Variants in RSU1 observed in about 807,000 individuals in gnomAD.
The protein encoded by RSU1 is Ras suppressor protein 1, also known as rsu-1.
In RSU1, 26 loss-of-function variants were observed where a neutral mutation model predicts 31.1. That is an observed-to-expected ratio of 0.84 (90% CI 0.61 to 1.16). RSU1 has a LOEUF of 1.16. Among genes scored for constraint, RSU1 ranks in the 50% most tolerant of loss-of-function variants. The pLI is 0.00. For missense variants in RSU1, 320 were observed against 339.1 expected, an observed-to-expected ratio of 0.94 and a Z score of 0.44; for synonymous variants, 164 against 136.3, an observed-to-expected ratio of 1.20 and a Z score of -1.41.
chr10:16,767,779 T>C (rs1564350464), intron 3 of RSU1, among the ~76,000 whole-genome samples: 2 of 152,172 alleles, frequency 1.3e-5, no homozygotes, highest in Non-Finnish European at 2.9e-5. Flanking sequence ...GAGAGGCATG[T>C]TATTTAAAGA....
chr10:16,780,657 A>C (rs919012529), intron 3 of RSU1, among the ~76,000 whole-genome samples: 1 of 152,230 alleles, frequency 6.6e-6, no homozygotes, highest in Non-Finnish European at 1.5e-5. Context: ...ACACAACAGA[A>C]CATGTCAGTT....
At chr10:16,614,641 A>G (rs941806299) in intron 8 of RSU1, among the ~76,000 whole-genome samples, 2 of 152,224 alleles carry the variant, frequency 1.3e-5, no homozygotes, top group Non-Finnish European at 2.9e-5. Flanking sequence ...CCTACTGTGT[A>G]CCCACAAAAA....
intron 8 of RSU1, among the ~76,000 whole-genome samples, chr10:16,684,882 G>T (rs1419179472): frequency 6.6e-6 from 1 of 152,142 alleles, no homozygotes; most frequent in African/African-American, 2.4e-5. Flanking sequence ...TTTCCAAATA[G>T]ACACTACCTA....
intron 8 of RSU1, among the ~76,000 whole-genome samples, chr10:16,651,347 CA>C (rs1417243346): frequency 3.3e-5 from 5 of 152,192 alleles, no homozygotes; most frequent in African/African-American, 1.2e-4. Context: ...AAGGAAGTGT[CA>C]GTTCAAATGT....
rs548543202 is a variant in RSU1 at position 16,731,805 on chromosome 10, T to G, written c.598+20734A>C. ...TCTTCTCTTGTGAAATATCTGTTCTTGCTCATTTTTTTTTTTCTACTGAGG... is the reference window on the plus strand; with the variant it reads ...TCTTCTCTTGTGAAATATCTGTTCTGGCTCATTTTTTTTTTTCTACTGAGG... On this transcript the variant is annotated intron_variant, in intron 7 of 8. Transcript: ENST00000345264. Among the ~76,000 whole-genome samples, 6 of 152,322 alleles carry G rather than the reference T, an allele frequency of 3.9e-5. 1 individual carries two copies. In the South Asian group the frequency reaches 1.2e-3, roughly 32 times the overall value.
In RSU1 at chr10:16,687,890, T is replaced by C. The variant is rs112712919; in HGVS notation, c.731+7133A>G. On this transcript the variant is annotated intron_variant, in intron 8 of 8. Coordinates refer to ENST00000345264, the MANE Select transcript of RSU1 (RefSeq NM_012425.4). ...ATGTGCCACCATGCCCGGCTAATTT[T>C]TTTTCATTTTCTGTACAGACGAAGT... Among the ~76,000 whole-genome samples the C allele has an allele frequency of 9.2e-3, 1,406 of 152,124 alleles. 18 individuals carry two copies. Among genetic ancestry groups the C allele is most frequent in the African/African-American group, 0.031 (1,277 of 41,504 alleles).
chr10:16,616,692 G>A (rs995396961), intron 8 of RSU1, among the ~76,000 whole-genome samples: 1 of 152,148 alleles, frequency 6.6e-6, no homozygotes, highest in Non-Finnish European at 1.5e-5. Context: ...TTCACCCCTG[G>A]GATGCAAGGC....
chr10:16,638,751 C>T (rs139090501), intron 8 of RSU1, among the ~76,000 whole-genome samples: 1 of 152,262 alleles, frequency 6.6e-6, no homozygotes, highest in Non-Finnish European at 1.5e-5. Flanking sequence ...GGAGGCCTGG[C>T]GGGAATGGTG....
chr10:16,593,850 T>A (rs1343739292), intron 8 of RSU1, among the ~76,000 whole-genome samples: 1 of 152,190 alleles, frequency 6.6e-6, no homozygotes, highest in Non-Finnish European at 1.5e-5. Context: ...AGTGTCCATT[T>A]AGTGAAAAGC....
intron 8 of RSU1, among the ~76,000 whole-genome samples, chr10:16,654,826 A>G (rs1588697073): frequency 2.0e-5 from 3 of 152,042 alleles, no homozygotes; most frequent in African/African-American, 4.8e-5. Context: ...CTGGAAGCCA[A>G]GGTGGGAGGA....
chr10:16,730,463 C>T (rs116810535), intron 7 of RSU1, among the ~76,000 whole-genome samples: 23 of 152,144 alleles, frequency 1.5e-4, no homozygotes, highest in Admixed American at 1.3e-3. Flanking sequence ...TCTTGGACAA[C>T]GGTCTGCCAA....
At chr10:16,715,773 T>C (rs1564329427) in intron 7 of RSU1, among the ~76,000 whole-genome samples, 4 of 152,236 alleles carry the variant, frequency 2.6e-5, no homozygotes, top group Non-Finnish European at 5.9e-5. Context: ...AAGGTTGTTT[T>C]GACTACTTGA....
At position 16,817,102 on chromosome 10, in the gene RSU1, A is replaced by T; in HGVS notation, c.-3-18T>A. On this transcript the variant is annotated intron_variant, in intron 1 of 8. Coordinates refer to ENST00000345264, the MANE Select transcript of RSU1 (RefSeq NM_012425.4). Reference sequence around the variant, plus strand: ...GACATGGTCTGCACCGAACAACAACAAAGCACGTGGGCGATGACAGCAAGC... The same window carrying T: ...GACATGGTCTGCACCGAACAACAACTAAGCACGTGGGCGATGACAGCAAGC... The T allele has an allele frequency of 6.4e-7, 1 of 1,556,542 alleles. No homozygotes were observed. Among genetic ancestry groups the T allele is most frequent in the Non-Finnish European group, 8.9e-7 (1 of 1,127,380 alleles).
chr10:16,665,564 C>T (rs779822192), intron 8 of RSU1, among the ~76,000 whole-genome samples: 3 of 152,178 alleles, frequency 2.0e-5, no homozygotes, highest in Non-Finnish European at 4.4e-5. Context: ...GCATTCACAT[C>T]TTGTCCAGAT....
chr10:16,742,139 T>TG (rs1160081995), intron 7 of RSU1, among the ~76,000 whole-genome samples: 1 of 152,120 alleles, frequency 6.6e-6, no homozygotes, highest in Non-Finnish European at 1.5e-5. Context: ...CTACGTATGT[T>TG]GAAAAAATGA....
intron 2 of RSU1, among the ~76,000 whole-genome samples, chr10:16,813,601 AATT>A (rs1160780861): frequency 6.6e-6 from 1 of 152,238 alleles, no homozygotes; most frequent in Non-Finnish European, 1.5e-5. Context: ...TTAGGCTACC[AATT>A]ATTAAGTAAC....
At chr10:16,726,413 C>T (rs1836394981) in intron 7 of RSU1, among the ~76,000 whole-genome samples, 1 of 151,860 alleles carries the variant, frequency 6.6e-6, no homozygotes, top group Non-Finnish European at 1.5e-5. Flanking sequence ...ATTACAGGTG[C>T]CCACCACCAC....
chr10:16,688,109 C>T (rs1267640888), intron 8 of RSU1, among the ~76,000 whole-genome samples: 1 of 152,166 alleles, frequency 6.6e-6, no homozygotes, highest in African/African-American at 2.4e-5. Flanking sequence ...TGTGATGCTA[C>T]CTAATTTTAT....
intron 8 of RSU1, among the ~76,000 whole-genome samples, chr10:16,688,533 CG>C (rs929202181): frequency 6.6e-6 from 1 of 152,102 alleles, no homozygotes; most frequent in African/African-American, 2.4e-5. Flanking sequence ...GGCGTGAACC[CG>C]GAAGGCGGAG....
Sources: allele counts gnomAD v4.1 joint callset (sites outside exome capture counted in the v4.1 genomes callset), GRCh38; gene constraint gnomAD v4.1.1; transcripts MANE v1.5; gene names NCBI Gene and HGNC (gene_info 2026-07-23, HGNC 2026-07-21).